The following TMEM117 variants were observed in gnomAD, a reference collection of about 807,000 sequenced individuals.
The protein encoded by TMEM117 is transmembrane protein 117.
TMEM117 carries 27 observed loss-of-function variants against 52.4 expected under a neutral mutation model. The ratio of observed to expected loss-of-function variants is 0.51; its 90% confidence interval spans 0.38 to 0.71. The LOEUF (loss-of-function observed/expected upper bound fraction) is 0.71. TMEM117 is among the 30% of genes least tolerant of loss of function. The pLI is 0.00. For synonymous variants in TMEM117, 215 were observed against 206.3 expected, an observed-to-expected ratio of 1.04 and a Z score of -0.36; for missense variants, 556 against 630.5, an observed-to-expected ratio of 0.88 and a Z score of 1.26.
At chr12:44,160,964 T>C (rs893200965) in intron 4 of TMEM117, among the ~76,000 whole-genome samples, 2 of 152,166 alleles carry the variant, frequency 1.3e-5, no homozygotes, top group African/African-American at 4.8e-5. Context: ...TAGAGCCAAA[T>C]GGTATTAGGT....
chr12:43,876,045 C>G (rs1943789696), intron 2 of TMEM117, among the ~76,000 whole-genome samples: 1 of 152,168 alleles, frequency 6.6e-6, no homozygotes, highest in Non-Finnish European at 1.5e-5. Context: ...CTTAGTATCT[C>G]AGAATTCTTC....
At chr12:43,868,937 T>C (rs918407876) in intron 2 of TMEM117, among the ~76,000 whole-genome samples, 3 of 151,968 alleles carry the variant, frequency 2.0e-5, no homozygotes, top group Non-Finnish European at 2.9e-5. Flanking sequence ...TTAATAAGAC[T>C]AGAAATTTCT....
At chr12:43,965,991 G>A (rs1368738962) in intron 3 of TMEM117, among the ~76,000 whole-genome samples, 1 of 152,168 alleles carries the variant, frequency 6.6e-6, no homozygotes, top group Non-Finnish European at 1.5e-5. Context: ...TTAAAAGTGA[G>A]GACAAGTGGT....
In TMEM117 at chr12:44,210,196, T is replaced by A. The variant is rs190520455; in HGVS notation, c.511-1094T>A. Among the ~76,000 whole-genome samples the A allele has an allele frequency of 8.2e-3, 1,241 of 152,214 alleles. 13 individuals carry two copies. The highest frequency in any genetic ancestry group is 0.028 in the African/African-American group (1,182 of 41,534). ...GAACATTATTAATTAAAATCATAAGTAATGGAATGGTGTTCTCTTCTCTTG... is the reference window on the plus strand; with the variant it reads ...GAACATTATTAATTAAAATCATAAGAAATGGAATGGTGTTCTCTTCTCTTG... On this transcript the variant is annotated intron_variant, in intron 4 of 7. Coordinates refer to ENST00000266534, the MANE Select transcript of TMEM117 (RefSeq NM_032256.3).
chr12:44,348,967 G>T (rs559713987), intron 6 of TMEM117, among the ~76,000 whole-genome samples: 1 of 151,818 alleles, frequency 6.6e-6, no homozygotes, highest in Non-Finnish European at 1.5e-5. Context: ...TGTATCTCCA[G>T]GCTTGAAGTT....
At chr12:44,316,370 T>C (rs945439686) in intron 6 of TMEM117, among the ~76,000 whole-genome samples, 2 of 152,180 alleles carry the variant, frequency 1.3e-5, no homozygotes, top group Non-Finnish European at 2.9e-5. Context: ...GAATTCTTGG[T>C]TGAAATTTCT....
At chr12:44,252,111 T>G (rs184844839) in intron 5 of TMEM117, among the ~76,000 whole-genome samples, 111 of 152,372 alleles carry the variant, frequency 7.3e-4, no homozygotes, top group African/African-American at 2.6e-3. Flanking sequence ...TTTCACAAGC[T>G]TGCTGCATGC....
chr12:44,376,448 A>G (rs1951942142), intron 6 of TMEM117, 147 bp from the exon 7 acceptor site: 2 of 909,696 alleles, frequency 2.2e-6, no homozygotes, highest in Middle Eastern at 2.1e-4. Flanking sequence ...ACATAAAATA[A>G]CCATCACAGA....
chr12:44,104,503 T>C (rs182098796), intron 3 of TMEM117, among the ~76,000 whole-genome samples: 1 of 151,444 alleles, frequency 6.6e-6, no homozygotes, highest in East Asian at 1.9e-4. Context: ...TAAACTTATT[T>C]AAGTCCCACA....
chr12:44,280,544 C>T (rs1389354348), intron 5 of TMEM117, among the ~76,000 whole-genome samples: 1 of 152,094 alleles, frequency 6.6e-6, no homozygotes, highest in East Asian at 1.9e-4. Flanking sequence ...ATCAGATATT[C>T]TTAGAAACTT....
the TMEM117 span, among the ~76,000 whole-genome samples, chr12:43,830,624 A>G: frequency 2.0e-5 from 3 of 151,908 alleles, no homozygotes; most frequent in Admixed American, 6.6e-5. Context: ...AAAAAAAAAA[A>G]AAAAGAAAAC....
chr12:44,282,717 A>G (rs528426971), intron 5 of TMEM117, among the ~76,000 whole-genome samples: 1 of 152,308 alleles, frequency 6.6e-6, no homozygotes, highest in East Asian at 1.9e-4. Flanking sequence ...AGAAAAGTCC[A>G]TTTTCTGGGG....
intron 3 of TMEM117, among the ~76,000 whole-genome samples, chr12:44,003,981 A>G (rs17093993): frequency 0.091 from 13,864 of 152,196 alleles, 991 homozygotes; most frequent in African/African-American, 0.19. Flanking sequence ...CTGTTCTACA[A>G]CCTCAGGGAT....
intron 3 of TMEM117, among the ~76,000 whole-genome samples, chr12:44,083,019 A>G (rs1947507574): frequency 6.6e-6 from 1 of 152,038 alleles, no homozygotes. Flanking sequence ...TAATTTTCTC[A>G]TAGTAAAACA....
chr12:43,847,443 C>T (rs1943228834), intron 2 of TMEM117, among the ~76,000 whole-genome samples: 1 of 152,044 alleles, frequency 6.6e-6, no homozygotes, highest in Non-Finnish European at 1.5e-5. Context: ...AAAGAAGATC[C>T]CATGATAAAG....
chr12:44,193,531 A>G (rs916249277), intron 4 of TMEM117, among the ~76,000 whole-genome samples: 4 of 152,192 alleles, frequency 2.6e-5, no homozygotes, highest in Non-Finnish European at 4.4e-5. Flanking sequence ...GCTCAGACAA[A>G]GCCTGTTGTC....
chr12:43,912,187 G>A (rs1010664048), intron 2 of TMEM117, among the ~76,000 whole-genome samples: 2 of 149,432 alleles, frequency 1.3e-5, no homozygotes, highest in East Asian at 2.0e-4. Flanking sequence ...ATGAGTTCAT[G>A]TCCTTTGTAG....
At chr12:44,262,464 C>T (rs764349724) in intron 5 of TMEM117, among the ~76,000 whole-genome samples, 10 of 152,120 alleles carry the variant, frequency 6.6e-5, no homozygotes, top group Non-Finnish European at 1.5e-4. Context: ...CACAAACCCA[C>T]GTGTTTGATG....
At chr12:43,879,997 T>C (rs1943868313) in intron 2 of TMEM117, among the ~76,000 whole-genome samples, 1 of 152,214 alleles carries the variant, frequency 6.6e-6, no homozygotes. Context: ...AATAATTCAT[T>C]TGTAAGGAAT....
Sources: gnomAD v4.1 joint callset for allele counts (sites outside exome capture counted in the v4.1 genomes callset) on GRCh38, gnomAD v4.1.1 for gene constraint, MANE v1.5 for transcripts, NCBI Gene and HGNC (gene_info 2026-07-23, HGNC 2026-07-21) for gene names.